Variants in HTR1F observed in about 807,000 individuals in gnomAD.
HTR1F encodes 5-hydroxytryptamine receptor 1F, also known as 5-hydroxytryptamine (serotonin) receptor 1F, G protein-coupled.
In HTR1F, 17 loss-of-function variants were observed where a neutral mutation model predicts 24.0. The observed-to-expected ratio is 0.71, with a 90% CI of 0.48 to 1.06. The LOEUF is 1.06. Ranked by LOEUF, HTR1F falls within the 50% of genes least tolerant of loss-of-function variation. HTR1F has a pLI of 0.00. For synonymous variants in HTR1F, 186 were observed against 156.8 expected (o/e 1.19, Z -1.39); for missense variants, 391 against 427.8 (o/e 0.91, Z 0.76).
At chr3:87,847,947 G>A (rs141678289) in intron 2 of HTR1F, among the ~76,000 whole-genome samples, 3 of 151,956 alleles carry the variant, frequency 2.0e-5, no homozygotes, top group Non-Finnish European at 2.9e-5. Flanking sequence ...CTGATGACAC[G>A]TTGATTCCAT....
chr3:87,857,308 T>G (rs930274082), intron 2 of HTR1F, among the ~76,000 whole-genome samples: 4 of 152,014 alleles, frequency 2.6e-5, no homozygotes, highest in Non-Finnish European at 2.9e-5. Flanking sequence ...TACAGATTAC[T>G]AAATCATTAT....
At chr3:87,829,879 A>G (rs544765510) in intron 2 of HTR1F, among the ~76,000 whole-genome samples, 2 of 152,368 alleles carry the variant, frequency 1.3e-5, no homozygotes, top group Non-Finnish European at 2.9e-5. Context: ...ATGCTCAATT[A>G]GAGCCAGTAA....
At chr3:87,841,706 C>G (rs1401723600) in intron 2 of HTR1F, among the ~76,000 whole-genome samples, 1 of 151,384 alleles carries the variant, frequency 6.6e-6, no homozygotes, top group Non-Finnish European at 1.5e-5. Context: ...TCGAGACCAG[C>G]CTGGCCGACA....
intron 2 of HTR1F, among the ~76,000 whole-genome samples, chr3:87,845,974 G>A (rs903946373): frequency 4.6e-5 from 7 of 151,992 alleles, no homozygotes; most frequent in Admixed American, 3.3e-4. Flanking sequence ...ACAACAGACA[G>A]GCAATTCTTT....
chr3:87,801,161 T>A (rs1450354587), intron 1 of HTR1F, among the ~76,000 whole-genome samples: 1 of 152,224 alleles, frequency 6.6e-6, no homozygotes, highest in Non-Finnish European at 1.5e-5. Context: ...CTGAATTAAA[T>A]CTGGAGTTAT....
At chr3:87,953,396 G>T (rs1704877137) in intron 2 of HTR1F, among the ~76,000 whole-genome samples, 1 of 151,044 alleles carries the variant, frequency 6.6e-6, no homozygotes, top group Admixed American at 6.6e-5. Flanking sequence ...GATCTGCATA[G>T]ACATCTTACA....
intron 2 of HTR1F, among the ~76,000 whole-genome samples, chr3:87,979,895 C>G (rs1341050771): frequency 4.6e-5 from 7 of 152,200 alleles, no homozygotes; most frequent in Non-Finnish European, 2.9e-5. Context: ...CTGTGGGCGC[C>G]CATATCTAAA....
intron 1 of HTR1F, among the ~76,000 whole-genome samples, chr3:87,802,755 T>C (rs1324334550): frequency 6.6e-6 from 1 of 152,072 alleles, no homozygotes; most frequent in Non-Finnish European, 1.5e-5. Flanking sequence ...CAAGCAAGGG[T>C]AGCTTAGTTT....
At chr3:87,881,328 C>A (rs1316980213) in intron 2 of HTR1F, among the ~76,000 whole-genome samples, 1 of 152,214 alleles carries the variant, frequency 6.6e-6, no homozygotes, top group African/African-American at 2.4e-5. Context: ...TTGCTCACTG[C>A]TAGCACAGCA....
chr3:87,809,608 G>A (rs1266906550), intron 1 of HTR1F, among the ~76,000 whole-genome samples: 1 of 151,908 alleles, frequency 6.6e-6, no homozygotes, highest in Non-Finnish European at 1.5e-5. Flanking sequence ...TAATAATACA[G>A]CATTATATTC....
intron 2 of HTR1F, among the ~76,000 whole-genome samples, chr3:87,928,068 CAG>C (rs1194714235): frequency 1.4e-5 from 2 of 138,296 alleles, no homozygotes; most frequent in African/African-American, 5.6e-5. Flanking sequence ...TTTTTTGAGA[CAG>C]AGTCTTGCTC....
intron 2 of HTR1F, among the ~76,000 whole-genome samples, chr3:87,965,638 T>C (rs1705148381): frequency 6.6e-6 from 1 of 152,100 alleles, no homozygotes; most frequent in Admixed American, 6.6e-5. Flanking sequence ...TTTAGGATAA[T>C]AACTGGCGAC....
chr3:87,908,002 A>C (rs1703702612), intron 2 of HTR1F, among the ~76,000 whole-genome samples: 1 of 152,046 alleles, frequency 6.6e-6, no homozygotes, highest in African/African-American at 2.4e-5. Flanking sequence ...ATTTGAACTA[A>C]TATTTCCATT....
intron 2 of HTR1F, among the ~76,000 whole-genome samples, chr3:87,887,972 T>C (rs1705993787): frequency 6.6e-6 from 1 of 152,206 alleles, no homozygotes; most frequent in Non-Finnish European, 1.5e-5. Flanking sequence ...TTACTGGGTA[T>C]ATACCCAAAG....
At chr3:87,947,135 A>T (rs2107454526) in intron 2 of HTR1F, among the ~76,000 whole-genome samples, 1 of 152,334 alleles carries the variant, frequency 6.6e-6, no homozygotes, top group East Asian at 1.9e-4. Context: ...TAAACTCAGC[A>T]ATTTGTAGTG....
At chr3:87,827,333 T>G (rs1270451692) in intron 2 of HTR1F, among the ~76,000 whole-genome samples, 1 of 152,088 alleles carries the variant, frequency 6.6e-6, no homozygotes, top group Admixed American at 6.6e-5. Context: ...CCACTTATAC[T>G]ATAATTATTT....
At chr3:87,848,737 C>A (rs1705007404) in intron 2 of HTR1F, among the ~76,000 whole-genome samples, 1 of 151,654 alleles carries the variant, frequency 6.6e-6, no homozygotes. Flanking sequence ...TCTCCTTAAG[C>A]TGATAAGCAA....
At chr3:87,855,900 C>T (rs1339608452) in intron 2 of HTR1F, among the ~76,000 whole-genome samples, 1 of 151,974 alleles carries the variant, frequency 6.6e-6, no homozygotes, top group Non-Finnish European at 1.5e-5. Flanking sequence ...TATCACAGTG[C>T]TTGTGTTCAA....
chr3:87,850,362 A>C (rs1297112057), intron 2 of HTR1F, among the ~76,000 whole-genome samples: 2 of 151,912 alleles, frequency 1.3e-5, no homozygotes, highest in South Asian at 2.1e-4. Context: ...GCAAGGACAA[A>C]AAACCAAACA....
Sources: gnomAD v4.1 joint callset for allele counts (sites outside exome capture counted in the v4.1 genomes callset) on GRCh38, gnomAD v4.1.1 for gene constraint, MANE v1.5 for transcripts, NCBI Gene and HGNC (gene_info 2026-07-23, HGNC 2026-07-21) for gene names.